Variants in ERICH6 observed in about 807,000 individuals in gnomAD.
ERICH6 encodes the protein glutamate rich 6.
Under a neutral mutation model 71.0 loss-of-function variants are expected in ERICH6, and 71 were observed. The observed-to-expected ratio is 1.00, with a 90% CI of 0.83 to 1.22. The LOEUF (loss-of-function observed/expected upper bound fraction) is 1.22. ERICH6 is among the 50% of genes most tolerant of loss of function. The pLI is 0.00. For synonymous variants in ERICH6, 262 were observed against 278.4 expected (o/e 0.94, Z 0.59); for missense variants, 808 against 797.2 (o/e 1.01, Z -0.16).
chr3:150,670,728 C>T (rs1220402365), intron 11 of ERICH6, among the ~76,000 whole-genome samples: 1 of 152,092 alleles, frequency 6.6e-6, no homozygotes, highest in Non-Finnish European at 1.5e-5. Context: ...TAACAGTAGA[C>T]ATTCTAAAAA....
chr3:150,700,623 G>GCC (rs1171216910), intron 2 of ERICH6, among the ~76,000 whole-genome samples: 1 of 151,952 alleles, frequency 6.6e-6, no homozygotes, highest in Non-Finnish European at 1.5e-5. Context: ...TCACTCTATT[G>GCC]CCCAAGCTGG....
chr3:150,694,178 A>G (rs1177231352), intron 3 of ERICH6, among the ~76,000 whole-genome samples: 2 of 152,148 alleles, frequency 1.3e-5, no homozygotes, highest in African/African-American at 4.8e-5. Context: ...TAGCCATGAA[A>G]GATCAGAAAC....
At chr3:150,702,811 A>G (rs62285377) in intron 1 of ERICH6, among the ~76,000 whole-genome samples, 13 of 136,278 alleles carry the variant, frequency 9.5e-5, no homozygotes, top group African/African-American at 3.4e-4. Flanking sequence ...GTTAAACACA[A>G]AAGAGAGTTG....
At position 150,673,955 on chromosome 3, in the gene ERICH6, C is replaced by A. The variant is rs1711556991; in HGVS notation, c.1343+1G>T. 2 of 1,612,872 alleles carry A rather than the reference C, an allele frequency of 1.2e-6. No individual in the cohort carries two copies. The highest frequency in any genetic ancestry group is 2.7e-5 in the African/African-American group (2 of 74,826). On this transcript the variant is annotated splice_donor_variant, in intron 11 of 13. Transcript: ENST00000295910. LOFTEE classifies it high-confidence loss of function. ...AAAAATAACTTGTTGAAAGAGGATA[C>A]AATATTTGTGTTGTCCCATCTGGAA...
intron 11 of ERICH6, among the ~76,000 whole-genome samples, chr3:150,671,140 T>A (rs527761338): frequency 6.6e-6 from 1 of 152,292 alleles, no homozygotes; most frequent in Admixed American, 6.5e-5. Context: ...ATTTAAAATT[T>A]ATTGATGTAA....
At chr3:150,690,766 G>A (rs1712402967) in intron 3 of ERICH6, among the ~76,000 whole-genome samples, 1 of 152,166 alleles carries the variant, frequency 6.6e-6, no homozygotes, top group Non-Finnish European at 1.5e-5. Flanking sequence ...AATATGATAA[G>A]ATGTCAAAAT....
At chr3:150,700,431 A>G (rs1712828976) in intron 2 of ERICH6, among the ~76,000 whole-genome samples, 1 of 151,806 alleles carries the variant, frequency 6.6e-6, no homozygotes, top group Admixed American at 6.6e-5. Flanking sequence ...TGAGACCTAT[A>G]TAAAAAATTC....
chr3:150,670,178 A>C (rs190284089), intron 11 of ERICH6, among the ~76,000 whole-genome samples: 163 of 152,208 alleles, frequency 1.1e-3, no homozygotes, highest in Non-Finnish European at 1.9e-3. Flanking sequence ...CTTCTATTCA[A>C]CATCGCACTA....
In ERICH6 at chr3:150,686,318, C is replaced by T. The variant is rs1480181901; in HGVS notation, c.590G>A (p.Cys197Tyr). ...KASKEKAEPE[C>Y]LASKLREKWV... The stretch of plus-strand genomic sequence containing the variant: ...TTTACCTCTTAACTTAGATGCCAGA[C>T]ATTCAGGTTCAGCTTTCTCTTTAGA... Residue 197 changes from cysteine to tyrosine, a missense_variant, in exon 4 of 14, where the codon TGT (cysteine) becomes TAT (tyrosine). Around this residue, in one of 3 missense-constraint regions of ERICH6, gnomAD observed 736 missense variants for 712.2 expected, o/e 1.03. Transcript: ENST00000295910. 12 of 1,614,216 alleles carry T rather than the reference C, an allele frequency of 7.4e-6. No homozygotes were observed. Among genetic ancestry groups the T allele is most frequent in the Admixed American group, 1.7e-5 (1 of 60,028 alleles).
intron 3 of ERICH6, among the ~76,000 whole-genome samples, chr3:150,696,480 G>A (rs1712661863): frequency 6.6e-6 from 1 of 151,984 alleles, no homozygotes; most frequent in Admixed American, 6.6e-5. Flanking sequence ...ATGACCACAA[G>A]CAAATGTAAA....
At chr3:150,697,453 C>T (rs74545394) in intron 3 of ERICH6, among the ~76,000 whole-genome samples, 5,274 of 152,176 alleles carry the variant, frequency 0.035, 334 homozygotes, top group African/African-American at 0.12. Flanking sequence ...CTCCTTTGAG[C>T]CCACTCCAAT....
chr3:150,698,715 C>T (rs1446126596), intron 3 of ERICH6, 76 bp downstream of exon 3: 74 of 1,221,158 alleles, frequency 6.1e-5, no homozygotes, highest in Non-Finnish European at 8.6e-5. Flanking sequence ...TCTAGCTGTA[C>T]TGGCCTTCTA....
chr3:150,670,956 T>C (rs1390785752), intron 11 of ERICH6, among the ~76,000 whole-genome samples: 1 of 152,064 alleles, frequency 6.6e-6, no homozygotes, highest in Non-Finnish European at 1.5e-5. Flanking sequence ...ATAATAAAAG[T>C]TGGAAAACTG....
At chr3:150,677,379 T>C (rs1711700656) in intron 10 of ERICH6, among the ~76,000 whole-genome samples, 1 of 151,994 alleles carries the variant, frequency 6.6e-6, no homozygotes, top group Admixed American at 6.6e-5. Flanking sequence ...TGGTATTTAG[T>C]ATAGCAAAAA....
chr3:150,677,092 G>A (rs896543864), intron 10 of ERICH6, among the ~76,000 whole-genome samples: 2 of 152,110 alleles, frequency 1.3e-5, no homozygotes, highest in South Asian at 4.1e-4. Context: ...GATTACAGGC[G>A]TGAGCCAACA....
intron 3 of ERICH6, among the ~76,000 whole-genome samples, chr3:150,694,243 T>C (rs1712568283): frequency 6.6e-6 from 1 of 152,116 alleles, no homozygotes; most frequent in Non-Finnish European, 1.5e-5. Flanking sequence ...AAATTTTATC[T>C]TTAAAATTTT....
At chr3:150,681,177 T>C (rs1363667541) in intron 7 of ERICH6, among the ~76,000 whole-genome samples, 1 of 152,242 alleles carries the variant, frequency 6.6e-6, no homozygotes, top group Non-Finnish European at 1.5e-5. Context: ...AAACCTGTCC[T>C]CACTAACAGT....
At chr3:150,684,306 A>C (rs768592620) in intron 6 of ERICH6, among the ~76,000 whole-genome samples, 1 of 152,188 alleles carries the variant, frequency 6.6e-6, no homozygotes, top group Non-Finnish European at 1.5e-5. Flanking sequence ...GGTAAATATA[A>C]AGAGTAAATG....
chr3:150,701,992 A>T (rs900269946), intron 2 of ERICH6, 129 bp downstream of exon 2: 53 of 649,866 alleles, frequency 8.2e-5, no homozygotes, highest in Admixed American at 1.3e-4. Context: ...GTGTATATTT[A>T]AAAAAAACTT....
Sources: gnomAD v4.1 joint callset for allele counts (sites outside exome capture counted in the v4.1 genomes callset) on GRCh38, gnomAD v4.1.1 for gene constraint, gnomAD v4.1.1 regional missense constraint, MANE v1.5 for transcripts, NCBI Gene and HGNC (gene_info 2026-07-23, HGNC 2026-07-21) for gene names.